The following TNS3 variants were observed in gnomAD, a reference collection of about 807,000 sequenced individuals.
TNS3 encodes tensin 3.
TNS3 carries 45 observed loss-of-function variants against 140.9 expected under a neutral mutation model. The ratio of observed to expected loss-of-function variants is 0.32; its 90% CI spans 0.25 to 0.41. The LOEUF is 0.41. TNS3 is among the 10% of genes least tolerant of loss of function. TNS3 has a pLI of 1.00. For synonymous variants in TNS3, 815 were observed against 788.4 expected (o/e 1.03, Z -0.56); for missense variants, 1,716 against 1,906.7 (o/e 0.90, Z 1.86).
intron 4 of TNS3, among the ~76,000 whole-genome samples, chr7:47,475,007 C>T (rs999108685): frequency 1.3e-5 from 2 of 150,518 alleles, no homozygotes; most frequent in Non-Finnish European, 1.5e-5. Context: ...GCACCTCACA[C>T]GCAACACACA....
At chr7:47,324,781 T>C (rs1787936531) in intron 20 of TNS3, among the ~76,000 whole-genome samples, 1 of 152,196 alleles carries the variant, frequency 6.6e-6, no homozygotes, top group African/African-American at 2.4e-5. Context: ...TTTAAAAGTC[T>C]CTTAATAAAA....
At chr7:47,580,138 C>T (rs1329364470) in intron 1 of TNS3, among the ~76,000 whole-genome samples, 4 of 152,176 alleles carry the variant, frequency 2.6e-5, no homozygotes, top group African/African-American at 9.6e-5. Context: ...GCTGAGGAAT[C>T]GCTGTCTGGA....
rs142274769 is a variant in TNS3 at position 47,527,278 on chromosome 7, T to C, written c.-153+1758A>G. On this transcript the variant is annotated intron_variant, in intron 2 of 30. Coordinates refer to ENST00000311160, the MANE Select transcript of TNS3 (RefSeq NM_022748.12). ...ATAAATAAAATAAAATATGAGCATT[T>C]CTATGAGAATGACATTCAAAGATGG... Among the ~76,000 whole-genome samples, 871 of 152,176 alleles carry C rather than the reference T, an allele frequency of 5.7e-3. 10 individuals carry two copies. The highest frequency in any genetic ancestry group is 0.02 in the Middle Eastern group (6 of 294).
At chr7:47,574,034 C>T (rs933876112) in intron 1 of TNS3, among the ~76,000 whole-genome samples, 8 of 152,170 alleles carry the variant, frequency 5.3e-5, no homozygotes, top group African/African-American at 1.9e-4. Flanking sequence ...CCTGCATCGA[C>T]GTTTTAACAG....
At chr7:47,448,476 ATTTTTT>A (rs71003401) in intron 4 of TNS3, among the ~76,000 whole-genome samples, 1 of 129,670 alleles carries the variant, frequency 7.7e-6, no homozygotes. Context: ...TGGGAATTCG[ATTTTTT>A]TTTTTTTTTT....
rs748482518 is a variant in TNS3, at chr7:47,428,374, G to A, written c.327C>T (p.Gly109=). 1.5e-5 allele frequency: 21 copies of A among 1,427,458 alleles called. No individual in the cohort carries two copies. The highest frequency in any genetic ancestry group is 8.1e-5 in the East Asian group (3 of 36,834). The allele number at this position is 1,427,458 out of a possible 1,614,324, so 88.4% of individuals were successfully genotyped here. ...LQHVVVIHCR[G]GKGRIGVVIS... ...TGACCACTCCTATGCGTCCTTTCCC[G>A]CCCTGCAGGAGACAAAAGATCAGCT... is the stretch of plus-strand genomic sequence containing the variant. The change falls in exon 9 of 31, where the codon GGC becomes GGT. Residue 109 remains glycine, a splice_region_variant and synonymous_variant. Coordinates refer to ENST00000311160, the MANE Select transcript of TNS3 (RefSeq NM_022748.12).
chr7:47,514,245 C>T (rs1319785399), intron 2 of TNS3, among the ~76,000 whole-genome samples: 2 of 152,234 alleles, frequency 1.3e-5, no homozygotes, highest in African/African-American at 4.8e-5. Flanking sequence ...ACATTCACTG[C>T]TCAACCCCAT....
chr7:47,295,817 C>A (rs1436341806), intron 24 of TNS3, among the ~76,000 whole-genome samples: 7 of 152,162 alleles, frequency 4.6e-5, no homozygotes, highest in Non-Finnish European at 1.0e-4. Context: ...ATCATACATT[C>A]CACAGGGTGT....
intron 20 of TNS3, among the ~76,000 whole-genome samples, chr7:47,326,013 T>G (rs1788006764): frequency 6.6e-6 from 1 of 152,220 alleles, no homozygotes. Flanking sequence ...GAGCTTTCAC[T>G]GTGCTTTTGG....
At chr7:47,481,572 G>T in intron 3 of TNS3, 1 of 776,300 alleles carries the variant, frequency 1.3e-6, no homozygotes, top group Non-Finnish European at 1.6e-6. Flanking sequence ...CCAGGGGCAT[G>T]CATTCTCTAC....
chr7:47,565,759 A>T (rs577710288), intron 1 of TNS3, among the ~76,000 whole-genome samples: 37 of 152,322 alleles, frequency 2.4e-4, no homozygotes, highest in African/African-American at 8.2e-4. Flanking sequence ...AATTTACACT[A>T]GTTAACACCA....
At chr7:47,439,946 C>T (rs2151565847) in intron 5 of TNS3, among the ~76,000 whole-genome samples, 1 of 152,258 alleles carries the variant, frequency 6.6e-6, no homozygotes, top group South Asian at 2.1e-4. Context: ...AGCAGTGACG[C>T]ATGGGCTCAA....
In TNS3 at chr7:47,389,109, C is replaced by CAGA. The variant is rs140799405; in HGVS notation, c.1024+7688_1024+7690dup. ...GAGGAAGAGGAAGAGGAAGCGGAAG[C>CAGA]AGAAGAAGAAGAAGAAGAAGAAGAA... On this transcript the variant is annotated intron_variant, in intron 16 of 30. Transcript: ENST00000311160. Among the ~76,000 whole-genome samples, 69 of 59,138 alleles carry CAGA rather than the reference C, an allele frequency of 1.2e-3. 18 individuals are homozygous for CAGA. Among genetic ancestry groups the CAGA allele is most frequent in the African/African-American group, 4.6e-3 (68 of 14,776 alleles). 38.8% of individuals were successfully genotyped at this position (59,138 alleles called of 152,430 possible). A position where few individuals can be genotyped will look rare whatever the true frequency, so the allele number is the denominator to read the frequency against.
chr7:47,303,211 G>C lies in TNS3; in HGVS notation c.3196C>G (p.Leu1066Val). 1.2e-6 allele frequency: 2 copies of C among 1,613,686 alleles called. No homozygotes were observed. ...TATGAADNGF[L>V]SHNFLTVAPG... ...GCCACCGTGAGAAAGTTGTGGGACAGGAAGCCATTGTCGGCAGCCCCTGTC... is the reference window on the plus strand; with the variant it reads ...GCCACCGTGAGAAAGTTGTGGGACACGAAGCCATTGTCGGCAGCCCCTGTC... The change falls in exon 22 of 31, where the codon CTG becomes GTG. Residue 1066 changes from leucine to valine, a missense_variant. By Grantham distance (32) the Leu-to-Val change is conservative. This residue lies in a region of TNS3 where 1,163 missense variants were observed against 1,182.1 expected (regional missense o/e 0.98). Coordinates refer to ENST00000311160, the MANE Select transcript of TNS3 (RefSeq NM_022748.12).
chr7:47,292,701 C>T (rs370460883), intron 26 of TNS3, 127 bp downstream of exon 26: 1 of 807,698 alleles, frequency 1.2e-6, no homozygotes. Flanking sequence ...TTGGGTTCAA[C>T]CAAGAGAATA....
rs1292457560 is a variant in TNS3 at position 47,439,352 on chromosome 7, G to A, written c.150+135C>T. ...CAGCAGAGAGACAGAGGACGAAGGC[G>A]CCACGGACAGCTGTGTGAGCCCAGG... On this transcript the variant is annotated intron_variant, in intron 6 of 30. Transcript: ENST00000311160. The A allele has an allele frequency of 1.4e-5, 13 of 960,028 alleles. No homozygotes were observed. The Middle Eastern group carries it at 1.0e-3, about 74-fold the overall frequency. The allele number at this position is 960,028 out of a possible 1,614,324, so 59.5% of individuals were successfully genotyped here. A position where few individuals can be genotyped will look rare whatever the true frequency, so the allele number is the denominator to read the frequency against.
rs191390400 is a variant in TNS3 at position 47,277,040 on chromosome 7, C to A, written c.*1036G>T. ...CATCAGAAAAGAAGTCATCCACAAT[C>A]GGGGAAAAACATTCCAATGAGTAAA... On this transcript the variant is annotated 3_prime_UTR_variant, in exon 31 of 31. Coordinates refer to ENST00000311160, the MANE Select transcript of TNS3 (RefSeq NM_022748.12). 3 of 152,336 alleles carry A rather than the reference C, an allele frequency of 2.0e-5. No homozygotes were observed. The highest frequency in any genetic ancestry group is 3.9e-4 in the East Asian group (2 of 5,154). The allele number at this position is 152,336 out of a possible 1,614,324, so 9.4% of individuals were successfully genotyped here.
At chr7:47,577,459 C>A (rs1425161591) in intron 1 of TNS3, among the ~76,000 whole-genome samples, 2 of 152,162 alleles carry the variant, frequency 1.3e-5, no homozygotes, top group African/African-American at 2.4e-5. Context: ...AGACAGCAGG[C>A]ACGCCGCAGC....
chr7:47,531,986 G>A (rs944658394), intron 1 of TNS3, among the ~76,000 whole-genome samples: 3 of 152,164 alleles, frequency 2.0e-5, no homozygotes, highest in African/African-American at 7.2e-5. Context: ...AGCTCCCTGA[G>A]TGCAGGCAGC....
Sources: gnomAD v4.1 joint callset for allele counts (sites outside exome capture counted in the v4.1 genomes callset) on GRCh38, gnomAD v4.1.1 for gene constraint, gnomAD v4.1.1 regional missense constraint, MANE v1.5 for transcripts, NCBI Gene and HGNC (gene_info 2026-07-23, HGNC 2026-07-21) for gene names.